LRRC37A2: variants seen among roughly 807,000 people sequenced by gnomAD.
LRRC37A2 encodes the protein leucine rich repeat containing 37 member A2.
In LRRC37A2, 9 loss-of-function variants were observed where a neutral mutation model predicts 68.8. The observed-to-expected ratio is 0.13, with a 90% CI of 0.08 to 0.23. The LOEUF (loss-of-function observed/expected upper bound fraction) is 0.23. LRRC37A2 is among the 10% of genes least tolerant of loss of function. The pLI is 1.00. For synonymous variants in LRRC37A2, 63 were observed against 367.6 expected, an observed-to-expected ratio of 0.17 and a Z score of 9.48; for missense variants, 168 against 950.4, an observed-to-expected ratio of 0.18 and a Z score of 10.82.
At chr17:47,011,080 A>G in the LRRC37A2 span, among the ~76,000 whole-genome samples, 1 of 152,120 alleles carries the variant, frequency 6.6e-6, no homozygotes, top group African/African-American at 2.4e-5. Flanking sequence ...ACCAGAGAGG[A>G]AACAAGCCCA....
chr17:46,392,345 T>C, the LRRC37A2 span, among the ~76,000 whole-genome samples: 1 of 71,618 alleles, frequency 1.4e-5, no homozygotes, highest in African/African-American at 4.5e-5. Flanking sequence ...ATAACGGGGA[T>C]TACTGATTTG....
At chr17:46,493,332 T>G in the LRRC37A2 span, among the ~76,000 whole-genome samples, 1 of 128,838 alleles carries the variant, frequency 7.8e-6, no homozygotes, top group African/African-American at 3.1e-5. Flanking sequence ...GCTAGTTTTT[T>G]TTTTTTTTTT....
the LRRC37A2 span, among the ~76,000 whole-genome samples, chr17:46,896,452 A>AAGAAAGAAAGAGAAAGAAAG: frequency 1.1e-4 from 7 of 65,834 alleles, no homozygotes; most frequent in East Asian, 5.2e-4. Context: ...GAAAGAAAGA[A>AAGAAAGAAAGAGAAAGAAAG]AAAGAAAGAA....
chr17:46,960,883 G>T, the LRRC37A2 span, among the ~76,000 whole-genome samples: 1 of 152,190 alleles, frequency 6.6e-6, no homozygotes, highest in Non-Finnish European at 1.5e-5. Flanking sequence ...CAAAGTGGCA[G>T]CATGAAGGAG....
At chr17:46,869,105 T>C in the LRRC37A2 span, among the ~76,000 whole-genome samples, 2 of 152,164 alleles carry the variant, frequency 1.3e-5, no homozygotes, top group Non-Finnish European at 2.9e-5. Flanking sequence ...CAGGGAGCCT[T>C]CTTTGAGAGC....
chr17:46,851,285 C>T, the LRRC37A2 span, among the ~76,000 whole-genome samples: 25 of 151,846 alleles, frequency 1.6e-4, no homozygotes, highest in African/African-American at 4.8e-4. This position sits in a 1 kb window ranked among gnomAD's most constrained non-coding sequence, Gnocchi z 4.3. Context: ...GTCCCCGCCT[C>T]GTACCCTCCT....
chr17:46,859,767 A>G, the LRRC37A2 span, among the ~76,000 whole-genome samples: 1 of 152,174 alleles, frequency 6.6e-6, no homozygotes, highest in Non-Finnish European at 1.5e-5. Context: ...CATTGAATCT[A>G]TACATCAGTT....
At chr17:46,989,573 A>G in the LRRC37A2 span, among the ~76,000 whole-genome samples, 1 of 152,210 alleles carries the variant, frequency 6.6e-6, no homozygotes, top group Non-Finnish European at 1.5e-5. Flanking sequence ...GTGACCCACG[A>G]CAGGCTGGTT....
the LRRC37A2 span, among the ~76,000 whole-genome samples, chr17:46,379,866 GTTTTTTTTTT>G: frequency 8.4e-5 from 4 of 47,876 alleles, no homozygotes; most frequent in Admixed American, 4.0e-4. Context: ...TTGCAATACT[GTTTTTTTTTT>G]TTTTTTTTTT....
chr17:46,733,932 C>T, the LRRC37A2 span, among the ~76,000 whole-genome samples: 19 of 152,192 alleles, frequency 1.2e-4, no homozygotes, highest in Admixed American at 1.2e-3. Flanking sequence ...GAGAGAAATA[C>T]AGCTTAAAGC....
the LRRC37A2 span, chr17:46,750,023 C>T: frequency 2.1e-5 from 25 of 1,193,696 alleles, no homozygotes; most frequent in Admixed American, 6.3e-5. Flanking sequence ...ACATGGGACC[C>T]GGGGATATTA....
the LRRC37A2 span, chr17:46,877,208 G>A: frequency 4.7e-6 from 2 of 428,190 alleles, no homozygotes; most frequent in Non-Finnish European, 6.2e-6. Context: ...CCCTGCTCAG[G>A]TGCAGTGGGC....
At chr17:46,988,639 A>T in the LRRC37A2 span, among the ~76,000 whole-genome samples, 3 of 151,882 alleles carry the variant, frequency 2.0e-5, no homozygotes, top group Non-Finnish European at 4.4e-5. Context: ...CGGAGTGGTC[A>T]GGCCAAGGTG....
chr17:46,802,934 C>A, the LRRC37A2 span, among the ~76,000 whole-genome samples: 1 of 152,274 alleles, frequency 6.6e-6, no homozygotes, highest in East Asian at 1.9e-4. Flanking sequence ...GAGGAAGTCA[C>A]AGGAACCCTG....
At chr17:46,714,424 A>G in the LRRC37A2 span, among the ~76,000 whole-genome samples, 1 of 152,222 alleles carries the variant, frequency 6.6e-6, no homozygotes. Context: ...ACAAAAGGAT[A>G]GTTTTATATT....
At chr17:46,844,915 TCTGCTCA>T in the LRRC37A2 span, among the ~76,000 whole-genome samples, 1 of 152,132 alleles carries the variant, frequency 6.6e-6, no homozygotes, top group African/African-American at 2.4e-5. Context: ...TGGTGGGATC[TCTGCTCA>T]CTGCAACCTC....
chr17:46,931,761 G>T, the LRRC37A2 span: 1 of 455,668 alleles, frequency 2.2e-6, no homozygotes. Context: ...ATCCATAGAA[G>T]GTCAAGAAGA....
the LRRC37A2 span, among the ~76,000 whole-genome samples, chr17:46,893,223 C>T: frequency 3.3e-5 from 5 of 152,142 alleles, no homozygotes; most frequent in East Asian, 5.8e-4. Flanking sequence ...CATGAGCCAC[C>T]GCGCTTGGCT....
the LRRC37A2 span, chr17:46,967,133 G>A: frequency 6.5e-6 from 1 of 154,030 alleles, no homozygotes; most frequent in Non-Finnish European, 1.4e-5. Context: ...GGGGAAGACG[G>A]ACATGAGAAC....
Sources: allele counts gnomAD v4.1 joint callset (sites outside exome capture counted in the v4.1 genomes callset), GRCh38; gene constraint gnomAD v4.1.1; non-coding constraint Gnocchi (gnomAD v3.1); transcripts MANE v1.5; gene names NCBI Gene and HGNC (gene_info 2026-07-23, HGNC 2026-07-21).